The following HERC2 variants were observed in gnomAD, a reference collection of about 807,000 sequenced individuals.
HERC2 encodes the protein E3 ubiquitin-protein ligase HERC2.
A neutral mutation model predicts 537.7 loss-of-function variants in HERC2; 102 were observed. The ratio of observed to expected loss-of-function variants is 0.19; its 90% CI spans 0.16 to 0.22. The LOEUF (loss-of-function observed/expected upper bound fraction) is 0.22, where lower values mean the gene tolerates loss of function less well. Among genes scored for constraint, HERC2 ranks in the 10% least tolerant of loss-of-function variants. HERC2 has a pLI of 1.00. For synonymous variants in HERC2, 2,224 were observed against 2,466.2 expected, an observed-to-expected ratio of 0.90 and a Z score of 2.91; for missense variants, 4,236 against 6,198.2, an observed-to-expected ratio of 0.68 and a Z score of 10.63.
At chr15:28,154,572 A>G (rs1024046835) in intron 69 of HERC2, among the ~76,000 whole-genome samples, 7 of 152,280 alleles carry the variant, frequency 4.6e-5, no homozygotes, top group African/African-American at 1.4e-4. Flanking sequence ...TCATCTGCAG[A>G]GGGGTCATGA....
chr15:28,160,577 T>C (rs1596086841), intron 69 of HERC2, among the ~76,000 whole-genome samples: 1 of 152,212 alleles, frequency 6.6e-6, no homozygotes, highest in East Asian at 1.9e-4. Context: ...CTAAGACCGT[T>C]GGAAAAGCAC....
rs1304002670 is a variant in HERC2, at chr15:28,213,866, C to A, written c.6662G>T (p.Gly2221Val). The A allele has an allele frequency of 6.2e-7, 1 of 1,613,910 alleles. No individual in the cohort carries two copies. Among genetic ancestry groups the A allele is most frequent in the Non-Finnish European group, 8.5e-7 (1 of 1,179,968 alleles). ...TCCAAACTCATCGTGCATAACTTGACCGCCCAGGCGCAGGCGACCATCGAT... is the reference window on the plus strand; with the variant it reads ...TCCAAACTCATCGTGCATAACTTGAACGCCCAGGCGCAGGCGACCATCGAT... ...GGIDGRLRLG[G>V]QVMHDEFGEG... is the part of the protein sequence containing the mutation. Residue 2221 changes from glycine (G) to valine (V), a missense_variant, in exon 42 of 93, where the codon GGT becomes GTT. Gly to Val is a moderately radical substitution (Grantham distance 109). Transcript: ENST00000261609.
intron 69 of HERC2, among the ~76,000 whole-genome samples, chr15:28,161,541 A>G (rs1893595388): frequency 1.3e-5 from 2 of 152,162 alleles, no homozygotes; most frequent in African/African-American, 4.8e-5. Flanking sequence ...TCTAAGACAT[A>G]CTAGTAAGAC....
rs982809058 is a variant in HERC2, at chr15:28,265,854, G to A, written c.1719C>T (p.Tyr573=). The change falls in exon 13 of 93, where the codon TAC becomes TAT. Residue 573 remains tyrosine (Y), a synonymous_variant. Coordinates refer to ENST00000261609, the MANE Select transcript of HERC2 (RefSeq NM_004667.6). This position sits in a 1 kb window ranked among gnomAD's most constrained non-coding sequence, Gnocchi z 4.0. The part of the protein sequence containing the change: ...SAAITAEGEL[Y]TWGRGNYGRL... The stretch of plus-strand genomic sequence containing the variant: ...GGCCGTAGTTCCCGCGGCCCCAGGT[G>A]TACAGCTCCCCCTCGGCAGTGATGG... The A allele has an allele frequency of 6.2e-7, 1 of 1,614,078 alleles. No homozygotes were observed. The highest frequency in any genetic ancestry group is 8.5e-7 in the Non-Finnish European group (1 of 1,180,050).
intron 4 of HERC2, 145 bp downstream of exon 4, chr15:28,292,743 G>A: frequency 1.3e-6 from 1 of 799,878 alleles, no homozygotes. Flanking sequence ...TAAGTTTTAT[G>A]GTATGTATAT....
intron 43 of HERC2, 135 bp downstream of exon 43, chr15:28,212,310 G>A (rs1397392480): frequency 1.3e-5 from 9 of 713,396 alleles, no homozygotes; most frequent in South Asian, 3.4e-5. Flanking sequence ...ATTCCCAACC[G>A]CAACTCAACA....
At chr15:28,198,817 G>A (rs750916189) in intron 48 of HERC2, 48 bp from the exon 49 acceptor site, 2 of 1,493,288 alleles carry the variant, frequency 1.3e-6, no homozygotes, top group South Asian at 2.5e-5. Context: ...GTACACAGGT[G>A]AAATGAGCCA....
At chr15:28,131,845 T>C (rs1046048535) in intron 81 of HERC2, among the ~76,000 whole-genome samples, 2 of 152,220 alleles carry the variant, frequency 1.3e-5, no homozygotes, top group African/African-American at 2.4e-5. Context: ...GGTGCCCGGA[T>C]GATCCCATCC....
intron 2 of HERC2, among the ~76,000 whole-genome samples, chr15:28,303,194 T>C (rs1038416810): frequency 1.3e-5 from 2 of 152,254 alleles, no homozygotes; most frequent in African/African-American, 2.4e-5. Flanking sequence ...TGGTGAGAGA[T>C]AGCGGTCTAG....
At chr15:28,128,677 C>T (rs1889767972) in intron 83 of HERC2, among the ~76,000 whole-genome samples, 1 of 152,234 alleles carries the variant, frequency 6.6e-6, no homozygotes, top group South Asian at 2.1e-4. Flanking sequence ...TTCACTGCTG[C>T]CATAACACAT....
intron 64 of HERC2, among the ~76,000 whole-genome samples, chr15:28,175,222 T>A (rs1004024741): frequency 1.3e-5 from 2 of 152,110 alleles, no homozygotes; most frequent in African/African-American, 4.8e-5. Context: ...CTTGCTAATA[T>A]CTTGCACTAG....
At chr15:28,118,495 A>C (rs1888525711) in intron 86 of HERC2, 1 of 152,256 alleles carries the variant, frequency 6.6e-6, no homozygotes, top group Non-Finnish European at 1.5e-5. Flanking sequence ...ATAACTCTGT[A>C]ATAAATTTTT....
chr15:28,130,046 A>G, intron 83 of HERC2, 117 bp downstream of exon 83: 1 of 1,287,384 alleles, frequency 7.8e-7, no homozygotes, highest in South Asian at 1.4e-5. Flanking sequence ...GTGCTGGGGC[A>G]ACAGGAGTGA....
rs1245185483 is a variant in HERC2 at position 28,269,325 on chromosome 15, C to T, written c.1369G>A (p.Ala457Thr). The change falls in exon 11 of 93, where the codon GCC becomes ACC. Residue 457 changes from alanine (A) to threonine (T), a missense_variant. Coordinates refer to ENST00000261609, the MANE Select transcript of HERC2 (RefSeq NM_004667.6). ...ATCAGGAAACGCTTCTCTGCACAGG[C>T]AATCTGTGTGACTCCCAGGTTGGCC... is the stretch of plus-strand genomic sequence containing the variant. ...GLANLGVTQI[A>T]CAEKRFLILS... 1 of 1,614,222 alleles carries T rather than the reference C, an allele frequency of 6.2e-7. No individual in the cohort carries two copies. The highest frequency in any genetic ancestry group is 1.1e-5 in the South Asian group (1 of 91,086).
intron 34 of HERC2, 50 bp downstream of exon 34, chr15:28,229,145 T>C (rs1433610615): frequency 2.0e-6 from 3 of 1,498,302 alleles, no homozygotes; most frequent in African/African-American, 1.4e-5. Context: ...TTCCACAACA[T>C]ATAATTAAAG....
At chr15:28,311,153 C>A (rs1308656547) in intron 2 of HERC2, among the ~76,000 whole-genome samples, 1 of 134,916 alleles carries the variant, frequency 7.4e-6, no homozygotes, top group Admixed American at 7.5e-5. Flanking sequence ...GAAGTCAAGA[C>A]AGGGAAGTAC....
intron 82 of HERC2, 41 bp from the exon 83 acceptor site, chr15:28,130,343 T>A: frequency 1.2e-6 from 2 of 1,613,276 alleles, no homozygotes; most frequent in Non-Finnish European, 1.7e-6. Flanking sequence ...GGCAAGGTGA[T>A]CTCACTGACC....
chr15:28,311,804 TG>T (rs2076953218), intron 2 of HERC2, among the ~76,000 whole-genome samples: 1 of 152,150 alleles, frequency 6.6e-6, no homozygotes, highest in African/African-American at 2.4e-5. Context: ...CCAGACTGGC[TG>T]GGCTCCACAC....
rs750894362 is a variant in HERC2 at position 28,269,291 on chromosome 15, C to A, written c.1403G>T (p.Arg468Leu). ...GGCCTGTGTGTACACGCGGCCATTG[C>A]GTGACAGAATCAGGAAACGCTTCTC... is the stretch of plus-strand genomic sequence containing the variant. The part of the protein sequence containing the change: ...CAEKRFLILS[R>L]NGRVYTQAYN... Residue 468 changes from arginine to leucine, a missense_variant, in exon 11 of 93, where the codon CGC becomes CTC. By Grantham distance (102) the Arg-to-Leu change is moderately radical (BLOSUM62 -2). This residue lies in a region of HERC2 where 491 missense variants were observed against 559.3 expected (regional missense o/e 0.88). Transcript: ENST00000261609. 1.2e-6 allele frequency: 2 copies of A among 1,614,068 alleles called. No individual in the cohort carries two copies. Among genetic ancestry groups the A allele is most frequent in the Non-Finnish European group, 1.7e-6 (2 of 1,179,970 alleles).
Sources: gnomAD v4.1 joint callset for allele counts (sites outside exome capture counted in the v4.1 genomes callset) on GRCh38, gnomAD v4.1.1 for gene constraint, gnomAD v4.1.1 regional missense constraint, Gnocchi (gnomAD v3.1) non-coding constraint, MANE v1.5 for transcripts, NCBI Gene and HGNC (gene_info 2026-07-23, HGNC 2026-07-21) for gene names.